PLCE1: variants seen among roughly 807,000 people sequenced by gnomAD.
PLCE1 encodes phospholipase C epsilon 1, also known as 1-phosphatidylinositol 4,5-bisphosphate phosphodiesterase epsilon-1.
A neutral mutation model predicts 242.8 loss-of-function variants in PLCE1; 119 were observed. The ratio of observed to expected loss-of-function variants is 0.49; its 90% CI spans 0.42 to 0.57. The LOEUF (loss-of-function observed/expected upper bound fraction) is 0.57, where lower values mean the gene tolerates loss of function less well. Among genes scored for constraint, PLCE1 ranks in the 20% least tolerant of loss-of-function variants. The pLI is 0.00. For missense variants in PLCE1, 2,441 were observed against 2,788.8 expected, an observed-to-expected ratio of 0.88 and a Z score of 2.81; for synonymous variants, 945 against 1,017.4, an observed-to-expected ratio of 0.93 and a Z score of 1.35.
intron 8 of PLCE1, among the ~76,000 whole-genome samples, chr10:94,246,916 G>A (rs536108778): frequency 3.1e-4 from 47 of 152,088 alleles, no homozygotes; most frequent in African/African-American, 1.1e-3. Flanking sequence ...GTTTGAGACC[G>A]GCCTGGCCAA....
chr10:94,197,000 C>G (rs2048842820), intron 4 of PLCE1, among the ~76,000 whole-genome samples: 1 of 152,146 alleles, frequency 6.6e-6, no homozygotes, highest in African/African-American at 2.4e-5. Context: ...CCCATTCCTC[C>G]CTAACTGCAG....
Position 94,308,624 on chromosome 10 carries a change from G to A in PLCE1, c.5928G>A (p.Leu1976=). 3 of 1,613,508 alleles carry A rather than the reference G, an allele frequency of 1.9e-6. No individual in the cohort carries two copies. Among genetic ancestry groups the A allele is most frequent in the Non-Finnish European group, 2.5e-6 (3 of 1,179,472 alleles). Residue 1976 remains leucine (L), a synonymous_variant, in exon 27 of 33, where the codon TTG becomes TTA. Coordinates refer to ENST00000371380, the MANE Select transcript of PLCE1 (RefSeq NM_016341.4). ...LQLRNLHNEV[L]EISSLFINSR... is the part of the protein sequence containing the mutation. The stretch of plus-strand genomic sequence containing the variant: ...TGCGAAACCTTCACAATGAAGTCTT[G>A]GAGATTTCTAGTTTATTCATTAACA...
intron 19 of PLCE1, among the ~76,000 whole-genome samples, chr10:94,278,478 CA>C: frequency 6.6e-6 from 1 of 152,226 alleles, no homozygotes; most frequent in African/African-American, 2.4e-5. Context: ...TTTATATTTT[CA>C]AAAATGTTAA....
chr10:94,000,930 G>C (rs1273681144), intron 1 of PLCE1, among the ~76,000 whole-genome samples: 1 of 152,170 alleles, frequency 6.6e-6, no homozygotes, highest in Non-Finnish European at 1.5e-5. Flanking sequence ...GTTGGAACGG[G>C]GGCAAGGGTC....
chr10:94,198,364 A>C (rs2136715965), intron 4 of PLCE1, among the ~76,000 whole-genome samples: 1 of 152,298 alleles, frequency 6.6e-6, no homozygotes, highest in Middle Eastern at 3.4e-3. Flanking sequence ...AATATGAATA[A>C]GTTGCTTAGT....
At chr10:94,071,796 G>A (rs1388713897) in intron 2 of PLCE1, among the ~76,000 whole-genome samples, 2 of 152,022 alleles carry the variant, frequency 1.3e-5, no homozygotes, top group African/African-American at 4.8e-5. Context: ...ACTGTGCCTA[G>A]CCTTCCTATT....
intron 2 of PLCE1, chr10:94,089,383 G>A: frequency 6.4e-7 from 1 of 1,567,434 alleles, no homozygotes; most frequent in Non-Finnish European, 8.6e-7. Context: ...CCAGGTAAGG[G>A]TTCTTGTTGT....
intron 3 of PLCE1, among the ~76,000 whole-genome samples, chr10:94,163,191 G>T (rs2047675741): frequency 6.6e-6 from 1 of 152,190 alleles, no homozygotes; most frequent in Non-Finnish European, 1.5e-5. Flanking sequence ...GCAGAGCTGA[G>T]TTCAGTTCCT....
At chr10:94,027,930 T>C (rs552611120) in intron 1 of PLCE1, among the ~76,000 whole-genome samples, 1 of 152,186 alleles carries the variant, frequency 6.6e-6, no homozygotes, top group East Asian at 1.9e-4. Context: ...CCCAAACCCA[T>C]AGGGCTTCAG....
chr10:94,137,483 CAA>C (rs34072883), intron 3 of PLCE1, among the ~76,000 whole-genome samples: 66,157 of 151,686 alleles, frequency 0.44, 15,423 homozygotes, highest in Non-Finnish European at 0.53. Flanking sequence ...AAAGTGATGA[CAA>C]GAGGATTTTT....
chr10:94,215,441 G>A (rs996592797), intron 4 of PLCE1, among the ~76,000 whole-genome samples: 14 of 152,292 alleles, frequency 9.2e-5, no homozygotes, highest in South Asian at 4.2e-4. Context: ...AGTGGTCACC[G>A]TGCAGTATAA....
intron 2 of PLCE1, among the ~76,000 whole-genome samples, chr10:94,098,067 C>T (rs1382187128): frequency 6.6e-6 from 1 of 152,180 alleles, no homozygotes; most frequent in African/African-American, 2.4e-5. Flanking sequence ...GAGCTGTCCT[C>T]ACAACAGCTG....
chr10:94,066,228 A>T (rs1173013186), intron 2 of PLCE1, among the ~76,000 whole-genome samples: 1 of 152,194 alleles, frequency 6.6e-6, no homozygotes, highest in African/African-American at 2.4e-5. Context: ...GATATTCTCT[A>T]ACAAAAGCAA....
In PLCE1 at chr10:94,080,037, T is replaced by C. The variant is rs577095400; in HGVS notation, c.1206+47785T>C. 7.2e-5 allele frequency among the ~76,000 whole-genome samples: 11 copies of C among 152,342 alleles called. No individual in the cohort carries two copies. In the East Asian group the frequency reaches 2.1e-3, roughly 29 times the overall value. On this transcript the variant is annotated intron_variant, in intron 2 of 32. Transcript: ENST00000371380. ...GCAGGACAGTTAACTACTCCTGTTA[T>C]TTCTTGGCTTGCTAGGTTTTTATTG...
intron 30 of PLCE1, among the ~76,000 whole-genome samples, chr10:94,322,318 A>G (rs953581819): frequency 6.6e-6 from 1 of 151,740 alleles, no homozygotes; most frequent in Non-Finnish European, 1.5e-5. Flanking sequence ...TGGCCACTGC[A>G]CTGCAGCCTG....
At chr10:94,131,363 C>A (rs952713217) in intron 2 of PLCE1, among the ~76,000 whole-genome samples, 3 of 152,168 alleles carry the variant, frequency 2.0e-5, no homozygotes, top group African/African-American at 4.8e-5. Flanking sequence ...GTGTCTGCTG[C>A]CCCTCACACT....
rs756658359 is a variant in PLCE1 at position 94,227,322 on chromosome 10, C to T, written c.1826C>T (p.Thr609Ile). 1 of 1,614,114 alleles carries T rather than the reference C, an allele frequency of 6.2e-7. No individual in the cohort carries two copies. The highest frequency in any genetic ancestry group is 1.1e-5 in the South Asian group (1 of 91,080). Residue 609 changes from threonine (T) to isoleucine (I), a missense_variant, in exon 5 of 33, where the codon ACA becomes ATA. Around this residue, in one of 5 missense-constraint regions of PLCE1, gnomAD observed 733 missense variants for 754.2 expected, o/e 0.97. Transcript: ENST00000371380. Reference protein sequence around the residue: ...MRFNEVSSWVTWLILTAGSME... With the variant: ...MRFNEVSSWVIWLILTAGSME... The stretch of plus-strand genomic sequence containing the variant: ...GTTTTCCAGGTGAGCTCCTGGGTGA[C>T]ATGGCTGATCCTCACGGCAGGCTCC...
At chr10:94,312,059 G>A (rs2053402521) in intron 27 of PLCE1, among the ~76,000 whole-genome samples, 1 of 152,158 alleles carries the variant, frequency 6.6e-6, no homozygotes, top group Non-Finnish European at 1.5e-5. Context: ...GGTTTTTCAA[G>A]AGAATCAGGA....
chr10:94,192,888 C>T (rs2048711909), intron 4 of PLCE1, among the ~76,000 whole-genome samples: 1 of 143,744 alleles, frequency 7.0e-6, no homozygotes, highest in African/African-American at 2.6e-5. Context: ...ATCTGGAACG[C>T]ACCCGCTCTC....
Sources: allele counts gnomAD v4.1 joint callset (sites outside exome capture counted in the v4.1 genomes callset), GRCh38; gene constraint gnomAD v4.1.1; regional missense constraint gnomAD v4.1.1; transcripts MANE v1.5; gene names NCBI Gene and HGNC (gene_info 2026-07-23, HGNC 2026-07-21).